ARHGEF25: variants seen among roughly 807,000 people sequenced by gnomAD.
ARHGEF25 encodes Rho guanine nucleotide exchange factor 25.
Under a neutral mutation model 74.0 loss-of-function variants are expected in ARHGEF25, and 42 were observed. The observed-to-expected ratio is 0.57, with a 90% confidence interval of 0.44 to 0.73. The LOEUF is 0.73. ARHGEF25 is among the 30% of genes least tolerant of loss of function. ARHGEF25 has a pLI of 0.00. For synonymous variants in ARHGEF25, 293 were observed against 278.6 expected (o/e 1.05, Z -0.51); for missense variants, 645 against 725.5 (o/e 0.89, Z 1.27).
At position 57,614,790 on chromosome 12, in the gene ARHGEF25, C is replaced by A. The variant is rs773067985; in HGVS notation, c.909+9C>A. 3.7e-6 allele frequency: 6 copies of A among 1,602,978 alleles called. No homozygotes were observed. Among genetic ancestry groups the A allele is most frequent in the Non-Finnish European group, 5.1e-6 (6 of 1,174,484 alleles). On this transcript the variant is annotated intron_variant, in intron 9 of 14. Transcript: ENST00000286494. The surrounding 1 kb of genome is among the most constrained non-coding windows in gnomAD (Gnocchi z 4.6). ...ACCAGCTGCTGCTCAAGGTCAGGAC[C>A]CCCTTTTTCCTGGGGGCACAGCTGG...
Position 57,611,783 on chromosome 12 carries a change from G to T in ARHGEF25, c.-112G>T, listed in dbSNP as rs569550761. The T allele has an allele frequency of 4.4e-6, 5 of 1,140,432 alleles. No homozygotes were observed. In the African/African-American group the frequency reaches 8.0e-5, roughly 18 times the overall value. 70.6% of individuals were successfully genotyped at this position (1,140,432 alleles called of 1,614,324 possible). On this transcript the variant is annotated 5_prime_UTR_variant, in exon 1 of 15. Coordinates refer to ENST00000286494, the MANE Select transcript of ARHGEF25 (RefSeq NM_182947.4). The surrounding 1 kb of genome is among the most constrained non-coding windows in gnomAD (Gnocchi z 4.5). The stretch of plus-strand genomic sequence containing the variant: ...CTCCCTCCCCCCCTCCCACAGCCTG[G>T]ACCGGGGTAGGAGGGAGGGGGGGTG...
intron 1 of ARHGEF25, chr12:57,612,646 G>T: frequency 8.4e-7 from 1 of 1,187,616 alleles, no homozygotes; most frequent in Non-Finnish European, 1.1e-6. Context: ...CCAGATGGCT[G>T]CCCCCACCCC....
chr12:57,613,275 G>A lies in ARHGEF25; in HGVS notation c.324G>A (p.Leu108=). Residue 108 remains leucine (L), a synonymous_variant, in exon 3 of 15, where the codon TTG becomes TTA. Transcript: ENST00000286494. ...TTTCTGGCCCCCAGAACTGGATGTT[G>A]GAGCCAGCTCTAGCCACAGGAGAGG... ...GQAGPYENWM[L]EPALATGEEL... 2 of 1,614,156 alleles carry A rather than the reference G, an allele frequency of 1.2e-6. No individual in the cohort carries two copies. The highest frequency in any genetic ancestry group is 1.6e-4 in the Middle Eastern group (1 of 6,062).
At chr12:57,616,249 CG>C (rs1346938869) in intron 13 of ARHGEF25, 34 bp from the exon 14 acceptor site, 4 of 1,584,460 alleles carry the variant, frequency 2.5e-6, no homozygotes, top group African/African-American at 1.3e-5. Context: ...CCTGTCTCTG[CG>C]GTAACCCTCC....
In ARHGEF25 at chr12:57,616,338, G is replaced by A. The variant is rs1293037090; in HGVS notation, c.1475G>A (p.Gly492Glu). The A allele has an allele frequency of 6.2e-7, 1 of 1,613,822 alleles. No individual in the cohort carries two copies. The highest frequency in any genetic ancestry group is 2.2e-5 in the East Asian group (1 of 44,894). Residue 492 changes from glycine to glutamate, a missense_variant, in exon 14 of 15, where the codon GGG becomes GAG. Transcript: ENST00000286494. ...CGGGAGAGCCAGACCAACAGCCTGGGGCGGCCAAGAGGGCCTGGAGTGGGG... is the reference window on the plus strand; with the variant it reads ...CGGGAGAGCCAGACCAACAGCCTGGAGCGGCCAAGAGGGCCTGGAGTGGGG... ...QRRESQTNSL[G>E]RPRGPGVGSP... is the part of the protein sequence containing the mutation.
Position 57,615,848 on chromosome 12 carries a change from G to T in ARHGEF25, c.1251G>T (p.Leu417=), listed in dbSNP as rs1187011409. 6.2e-7 allele frequency: 1 copy of T among 1,613,802 alleles called. No homozygotes were observed. The highest frequency in any genetic ancestry group is 1.7e-5 in the Admixed American group (1 of 59,998). The change falls in exon 13 of 15, where the codon CTG becomes CTT. Residue 417 remains leucine, a synonymous_variant. Transcript: ENST00000286494. ...VYKNSIKVSC[L]GLEGNLQGDP... Reference sequence around the variant, plus strand: ...ATCTGCCAATTCAGGTGAGCTGCCTGGGACTGGAGGGGAACCTCCAAGGTG... The same window carrying T: ...ATCTGCCAATTCAGGTGAGCTGCCTTGGACTGGAGGGGAACCTCCAAGGTG...
chr12:57,614,715 C>T lies in ARHGEF25; in HGVS notation c.843C>T (p.Arg281=), dbSNP rs1420459941. 6.2e-7 allele frequency: 1 copy of T among 1,613,472 alleles called. No homozygotes were observed. Among genetic ancestry groups the T allele is most frequent in the Non-Finnish European group, 8.5e-7 (1 of 1,179,882 alleles). The change falls in exon 9 of 15, where the codon CGC becomes CGT. Residue 281 remains arginine, a synonymous_variant. Coordinates refer to ENST00000286494, the MANE Select transcript of ARHGEF25 (RefSeq NM_182947.4). This position sits in a 1 kb window ranked among gnomAD's most constrained non-coding sequence, Gnocchi z 4.6. ...AGCTCCGGCAGCAGCTGGGGCACCGCCTGCAGCTGAACGACCTCCTCATCA... is the reference window on the plus strand; with the variant it reads ...AGCTCCGGCAGCAGCTGGGGCACCGTCTGCAGCTGAACGACCTCCTCATCA... ...FEELRQQLGH[R]LQLNDLLIKP...
chr12:57,614,694 C>T lies in ARHGEF25; in HGVS notation c.822C>T (p.Leu274=). The T allele has an allele frequency of 6.2e-7, 1 of 1,613,602 alleles. No individual in the cohort carries two copies. Among genetic ancestry groups the T allele is most frequent in the Non-Finnish European group, 8.5e-7 (1 of 1,179,898 alleles). ...CACCCTGTCCCTGTCCCCAGGAGCT[C>T]CGGCAGCAGCTGGGGCACCGCCTGC... ...SEFGDSYFEE[L]RQQLGHRLQL... Residue 274 remains leucine (L), a synonymous_variant, in exon 9 of 15, where the codon CTC becomes CTT. Transcript: ENST00000286494. The surrounding 1 kb of genome is among the most constrained non-coding windows in gnomAD (Gnocchi z 4.6).
intron 1 of ARHGEF25, 51 bp downstream of exon 1, chr12:57,612,042 G>T (rs1159806060): frequency 4.8e-6 from 6 of 1,255,116 alleles, no homozygotes; most frequent in Non-Finnish European, 3.1e-6. Flanking sequence ...CGGGCTGGGG[G>T]TTCAGGGCAT....
chr12:57,616,123 C>T, intron 13 of ARHGEF25, 106 bp downstream of exon 13: 1 of 1,481,920 alleles, frequency 6.7e-7, no homozygotes, highest in Non-Finnish European at 9.1e-7. Flanking sequence ...TGGCCCATCC[C>T]CTTTTCCACT....
At position 57,611,570 on chromosome 12, in the gene ARHGEF25, C is replaced by T; in HGVS notation, c.-325C>T. ...AGCTGGAGCGGCTGCCGCATCCCGG[C>T]CCAGCCTCCCCTACCATCCCTCCCC... is the stretch of plus-strand genomic sequence containing the variant. On this transcript the variant is annotated 5_prime_UTR_variant, in exon 1 of 15. Transcript: ENST00000286494. The surrounding 1 kb of genome is among the most constrained non-coding windows in gnomAD (Gnocchi z 4.5). 1.0e-6 allele frequency: 1 copy of T among 1,000,022 alleles called. No homozygotes were observed. The highest frequency in any genetic ancestry group is 1.2e-6 in the Non-Finnish European group (1 of 839,544). 61.9% of individuals were successfully genotyped at this position (1,000,022 alleles called of 1,614,324 possible).
Position 57,614,956 on chromosome 12 carries a change from C to T in ARHGEF25, c.910-11C>T, listed in dbSNP as rs1884215905. ...CGTGACCTCCCTGAGCATTTCTTCTCTCTGTCTTAGGATTTTCTCAAGTAT... is the reference window on the plus strand; with the variant it reads ...CGTGACCTCCCTGAGCATTTCTTCTTTCTGTCTTAGGATTTTCTCAAGTAT... On this transcript the variant is annotated splice_polypyrimidine_tract_variant and intron_variant, in intron 9 of 14. Transcript: ENST00000286494. This position sits in a 1 kb window ranked among gnomAD's most constrained non-coding sequence, Gnocchi z 4.6. 6.2e-7 allele frequency: 1 copy of T among 1,613,902 alleles called. No homozygotes were observed. Among genetic ancestry groups the T allele is most frequent in the South Asian group, 1.1e-5 (1 of 91,068 alleles).
In ARHGEF25 at chr12:57,612,854, C is replaced by T. The variant is rs926306728; in HGVS notation, c.98-76C>T. 14 of 1,554,068 alleles carry T rather than the reference C, an allele frequency of 9.0e-6. No homozygotes were observed. The African/African-American group carries it at 1.2e-4, about 14-fold the overall frequency. On this transcript the variant is annotated intron_variant, in intron 1 of 14. Coordinates refer to ENST00000286494, the MANE Select transcript of ARHGEF25 (RefSeq NM_182947.4). ...AGGCTGAGCATCATGAAGAGAAGAC[C>T]CTGGGAGTTCCCTGGGGACCCTGAG... is the stretch of plus-strand genomic sequence containing the variant.
chr12:57,610,540 A>G (rs745630134), upstream of ARHGEF25: 9 of 1,573,256 alleles, frequency 5.7e-6, no homozygotes, highest in Middle Eastern at 1.7e-4. Flanking sequence ...CTAGGAGGGC[A>G]GGTTCCTTAC....
intron 1 of ARHGEF25, 94 bp from the exon 2 acceptor site, chr12:57,612,836 G>A: frequency 6.5e-7 from 1 of 1,527,870 alleles, no homozygotes; most frequent in Non-Finnish European, 8.8e-7. Context: ...GAGAGGCTGA[G>A]CATCATGAAG....
chr12:57,617,010 G>A lies in ARHGEF25; in HGVS notation c.*116G>A. 1 of 806,000 alleles carries A rather than the reference G, an allele frequency of 1.2e-6. No individual in the cohort carries two copies. Among genetic ancestry groups the A allele is most frequent in the Non-Finnish European group, 2.0e-6 (1 of 497,774 alleles). The allele number at this position is 806,000 out of a possible 1,614,324, so 49.9% of individuals were successfully genotyped here. ...CCTTCTTGGTGTGTCTGGAGGGTGGGCAAGGCTGGGAGGGATATCAACTTG... is the reference window on the plus strand; with the variant it reads ...CCTTCTTGGTGTGTCTGGAGGGTGGACAAGGCTGGGAGGGATATCAACTTG... On this transcript the variant is annotated 3_prime_UTR_variant, in exon 15 of 15. Transcript: ENST00000286494.
chr12:57,612,117 CT>C (rs1884082179), intron 1 of ARHGEF25, 126 bp downstream of exon 1: 2 of 721,004 alleles, frequency 2.8e-6, no homozygotes, highest in African/African-American at 3.6e-5. Flanking sequence ...AAAGTGGTTT[CT>C]TAAGTGATCC....
At position 57,611,849 on chromosome 12, in the gene ARHGEF25, C is replaced by T; in HGVS notation, c.-46C>T. ...CCCCGCCCCGCCCCCCGTGATTCCCCCTGCATGGCCGGCCCGGGTGGGGGG... is the reference window on the plus strand; with the variant it reads ...CCCCGCCCCGCCCCCCGTGATTCCCTCTGCATGGCCGGCCCGGGTGGGGGG... On this transcript the variant is annotated 5_prime_UTR_variant, in exon 1 of 15. Transcript: ENST00000286494. The surrounding 1 kb of genome is among the most constrained non-coding windows in gnomAD (Gnocchi z 4.5). 8.2e-7 allele frequency: 1 copy of T among 1,213,292 alleles called. No homozygotes were observed. The allele number at this position is 1,213,292 out of a possible 1,614,324, so 75.2% of individuals were successfully genotyped here.
upstream of ARHGEF25, chr12:57,610,299 T>C (rs747633757): frequency 1.1e-5 from 17 of 1,484,520 alleles, no homozygotes; most frequent in Admixed American, 1.2e-4. Flanking sequence ...GCATGCGCCC[T>C]CCCTGGGCAG....
Sources: gnomAD v4.1 joint callset for allele counts on GRCh38, gnomAD v4.1.1 for gene constraint, Gnocchi (gnomAD v3.1) non-coding constraint, MANE v1.5 for transcripts, NCBI Gene and HGNC (gene_info 2026-07-23, HGNC 2026-07-21) for gene names.